Variants in UNC5D observed in about 807,000 individuals in gnomAD.
UNC5D encodes the protein unc-5 netrin receptor D.
In UNC5D, 39 loss-of-function variants were observed where a neutral mutation model predicts 105.4. The ratio of observed to expected loss-of-function variants is 0.37; its 90% confidence interval spans 0.29 to 0.48. UNC5D has a LOEUF of 0.48. UNC5D is among the 20% of genes least tolerant of loss of function. The pLI, the probability that UNC5D is intolerant of heterozygous loss-of-function variation, is 0.98. For missense variants in UNC5D, 991 were observed against 1,202.4 expected (o/e 0.82, Z 2.60); for synonymous variants, 452 against 450.4 (o/e 1.00, Z -0.04).
intron 7 of UNC5D, among the ~76,000 whole-genome samples, chr8:35,691,646 G>T (rs1170660331): frequency 6.6e-6 from 1 of 152,108 alleles, no homozygotes; most frequent in Non-Finnish European, 1.5e-5. Context: ...GTAATGATGT[G>T]GTATGACTGT....
At chr8:35,237,032 G>C (rs1437634706) in intron 1 of UNC5D, among the ~76,000 whole-genome samples, 2 of 152,060 alleles carry the variant, frequency 1.3e-5, no homozygotes, top group African/African-American at 4.8e-5. Flanking sequence ...GATCACAAAA[G>C]AACCAATGTT....
chr8:35,521,657 A>G (rs1290712996), intron 1 of UNC5D, among the ~76,000 whole-genome samples: 2 of 152,184 alleles, frequency 1.3e-5, no homozygotes, highest in Non-Finnish European at 2.9e-5. Flanking sequence ...CTAATGCTGT[A>G]ATTTCCAGCC....
intron 16 of UNC5D, among the ~76,000 whole-genome samples, chr8:35,787,764 T>C (rs956786572): frequency 1.4e-4 from 22 of 152,104 alleles, no homozygotes; most frequent in African/African-American, 5.3e-4. Flanking sequence ...ACTACAGGTG[T>C]GCACCACTGC....
chr8:35,647,837 G>C (rs1000723834), intron 4 of UNC5D, among the ~76,000 whole-genome samples: 1 of 152,112 alleles, frequency 6.6e-6, no homozygotes, highest in Non-Finnish European at 1.5e-5. Flanking sequence ...ACATAAGCAT[G>C]GTAGAAAGCA....
rs56157732 is a variant in UNC5D at position 35,413,292 on chromosome 8, T to TGTGTGTGTTG, written c.104-136000_104-135999insGTGTGTGTTG. 5.6e-3 allele frequency among the ~76,000 whole-genome samples: 715 copies of TGTGTGTGTTG among 128,042 alleles called. 24 individuals carry two copies. The East Asian group carries it at 0.094, about 17-fold the overall frequency. 84.0% of individuals were successfully genotyped at this position (128,042 alleles called of 152,430 possible). On this transcript the variant is annotated intron_variant, in intron 1 of 16. Transcript: ENST00000404895. ...GTGTGTGTGTGTGTGTGTGTGTGTG[T>TGTGTGTGTTG]TGTGTGTGTGTGTGTGTTTTCTCTC...
At chr8:35,469,804 A>G (rs1472365946) in intron 1 of UNC5D, among the ~76,000 whole-genome samples, 2 of 152,182 alleles carry the variant, frequency 1.3e-5, no homozygotes, top group Admixed American at 6.6e-5. Context: ...TTTGCACCTA[A>G]CATAGATCAT....
chr8:35,765,787 G>T lies in UNC5D; in HGVS notation c.2314-1115G>T, dbSNP rs577261823. 2.6e-5 allele frequency among the ~76,000 whole-genome samples: 4 copies of T among 152,226 alleles called. No homozygotes were observed. In the South Asian group the frequency reaches 8.3e-4, roughly 32 times the overall value. On this transcript the variant is annotated intron_variant, in intron 14 of 16. Coordinates refer to ENST00000404895, the MANE Select transcript of UNC5D (RefSeq NM_080872.4). ...GGCTTCATCACCAGTCATAGTTCAG[G>T]GTTCCAAACTTCCAGACTTGATATA...
intron 1 of UNC5D, among the ~76,000 whole-genome samples, chr8:35,447,666 C>A (rs1046603638): frequency 1.3e-5 from 2 of 152,010 alleles, no homozygotes; most frequent in African/African-American, 4.8e-5. Flanking sequence ...TCCCAATGAA[C>A]AACATATTTT....
chr8:35,769,180 T>C (rs1801900399), intron 15 of UNC5D, among the ~76,000 whole-genome samples: 1 of 152,174 alleles, frequency 6.6e-6, no homozygotes, highest in Non-Finnish European at 1.5e-5. Context: ...CAATTTTACA[T>C]GCTATAAAAG....
chr8:35,359,883 G>A (rs1004807075), intron 1 of UNC5D, among the ~76,000 whole-genome samples: 2 of 152,154 alleles, frequency 1.3e-5, no homozygotes, highest in Admixed American at 1.3e-4. Flanking sequence ...TTTAGATAAT[G>A]AAGACCTGAA....
At chr8:35,656,715 G>A (rs1244616008) in intron 4 of UNC5D, among the ~76,000 whole-genome samples, 4 of 151,988 alleles carry the variant, frequency 2.6e-5, no homozygotes, top group South Asian at 2.1e-4. Flanking sequence ...TCCCAGGGAC[G>A]TACATACCAA....
At chr8:35,354,847 G>A (rs372383410) in intron 1 of UNC5D, among the ~76,000 whole-genome samples, 18 of 152,202 alleles carry the variant, frequency 1.2e-4, no homozygotes, top group South Asian at 2.1e-4. Context: ...GTAAGATGTC[G>A]TCTTCACTCA....
intron 13 of UNC5D, among the ~76,000 whole-genome samples, chr8:35,753,315 C>G (rs1252777140): frequency 2.6e-5 from 4 of 152,130 alleles, no homozygotes; most frequent in African/African-American, 9.7e-5. Context: ...GTCCCCCAGG[C>G]TGGAGTGCAG....
intron 1 of UNC5D, among the ~76,000 whole-genome samples, chr8:35,527,272 G>A (rs1813945454): frequency 6.6e-6 from 1 of 152,130 alleles, no homozygotes. Context: ...TTATTTTTAT[G>A]TGATAATAAT....
chr8:35,416,021 A>C (rs1329891353), intron 1 of UNC5D, among the ~76,000 whole-genome samples: 1 of 152,076 alleles, frequency 6.6e-6, no homozygotes, highest in African/African-American at 2.4e-5. Context: ...GCAACATTCC[A>C]AGGTACCAAG....
At chr8:35,433,645 T>C (rs552685870) in intron 1 of UNC5D, among the ~76,000 whole-genome samples, 2 of 152,144 alleles carry the variant, frequency 1.3e-5, no homozygotes, top group African/African-American at 2.4e-5. Flanking sequence ...TATATCTTTT[T>C]AATTGGTTTA....
intron 1 of UNC5D, among the ~76,000 whole-genome samples, chr8:35,466,051 A>G (rs981868973): frequency 2.0e-5 from 3 of 152,178 alleles, no homozygotes; most frequent in African/African-American, 4.8e-5. Flanking sequence ...CCTGTATTAG[A>G]CTTTTAACCT....
intron 4 of UNC5D, among the ~76,000 whole-genome samples, chr8:35,617,612 T>C (rs1821108791): frequency 6.6e-6 from 1 of 152,172 alleles, no homozygotes; most frequent in East Asian, 1.9e-4. Flanking sequence ...GAGTGACTTA[T>C]TGAAACTCCC....
intron 1 of UNC5D, among the ~76,000 whole-genome samples, chr8:35,389,948 G>T (rs1803668314): frequency 6.6e-6 from 1 of 152,168 alleles, no homozygotes; most frequent in South Asian, 2.1e-4. Context: ...TTCTTGCATT[G>T]CTATAAAGAA....
Sources: allele counts gnomAD v4.1 joint callset (sites outside exome capture counted in the v4.1 genomes callset), GRCh38; gene constraint gnomAD v4.1.1; transcripts MANE v1.5; gene names NCBI Gene and HGNC (gene_info 2026-07-23, HGNC 2026-07-21).